The following NAGPA variants were observed in gnomAD, a reference collection of about 807,000 sequenced individuals.
NAGPA encodes the protein alpha-N-acetylglucosaminyl phosphodiesterase.
In NAGPA, 56 loss-of-function variants were observed where a neutral mutation model predicts 48.5. That is an observed-to-expected ratio of 1.15 (90% CI 0.93 to 1.44). The LOEUF is 1.44. NAGPA is among the 40% of genes most tolerant of loss of function. The pLI, the probability that NAGPA is intolerant of heterozygous loss-of-function variation, is 0.00. For synonymous variants in NAGPA, 399 were observed against 315.5 expected (o/e 1.26, Z -2.81); for missense variants, 888 against 735.0 (o/e 1.21, Z -2.41).
rs780004979 is a variant in NAGPA at position 5,029,087 on chromosome 16, G to A, written c.792-79C>T. The stretch of plus-strand genomic sequence containing the variant: ...TAACTCCTTTTCCTTCCACAGTGCA[G>A]AGCATCACGCCCACAGTGCAGGCAC... On this transcript the variant is annotated intron_variant, in intron 4 of 9. Coordinates refer to ENST00000312251, the MANE Select transcript of NAGPA (RefSeq NM_016256.4). The A allele has an allele frequency of 5.0e-6, 8 of 1,597,090 alleles. No individual in the cohort carries two copies. The African/African-American group carries it at 6.7e-5, about 13-fold the overall frequency.
chr16:5,027,088 AG>A (rs773049240), intron 9 of NAGPA, 46 bp downstream of exon 9: 48 of 1,602,906 alleles, frequency 3.0e-5, no homozygotes, highest in Non-Finnish European at 3.5e-5. Flanking sequence ...GCGGGAGAGA[AG>A]GGGGATTCCT....
chr16:5,026,757 C>T (rs1013228584), intron 9 of NAGPA, among the ~76,000 whole-genome samples: 6 of 152,070 alleles, frequency 3.9e-5, no homozygotes, highest in Admixed American at 2.0e-4. Flanking sequence ...TAAAATTAGC[C>T]GGGCATGGGG....
chr16:5,027,026 G>T, intron 9 of NAGPA, 109 bp downstream of exon 9: 2 of 1,361,576 alleles, frequency 1.5e-6, no homozygotes, highest in South Asian at 1.2e-5. Context: ...TTCCTCTAAG[G>T]CAGGGAGCTG....
chr16:5,029,186 C>T lies in NAGPA; in HGVS notation c.792-178G>A, dbSNP rs368413268. 25 of 1,021,632 alleles carry T rather than the reference C, an allele frequency of 2.4e-5. No homozygotes were observed. In the African/African-American group the frequency reaches 3.0e-4, roughly 12 times the overall value. The allele number at this position is 1,021,632 out of a possible 1,614,324, so 63.3% of individuals were successfully genotyped here. A position where few individuals can be genotyped will look rare whatever the true frequency, so the allele number is the denominator to read the frequency against. On this transcript the variant is annotated intron_variant, in intron 4 of 9. Coordinates refer to ENST00000312251, the MANE Select transcript of NAGPA (RefSeq NM_016256.4). ...AAGCTGTGAACACGTGAGATCACAC[C>T]CATGCCTGTGCTGTTACATGGCATA...
Position 5,033,220 on chromosome 16 carries a change from C to A in NAGPA, c.542+53G>T. On this transcript the variant is annotated intron_variant, in intron 2 of 9. Coordinates refer to ENST00000312251, the MANE Select transcript of NAGPA (RefSeq NM_016256.4). This position sits in a 1 kb window ranked among gnomAD's most constrained non-coding sequence, Gnocchi z 4.2. ...CTTGAACACGGAGGCACGGCTACAA[C>A]CCAAATCTCAGGCCCTCTGCCCTCG... is the stretch of plus-strand genomic sequence containing the variant. 5 of 1,544,114 alleles carry A rather than the reference C, an allele frequency of 3.2e-6. No individual in the cohort carries two copies. The highest frequency in any genetic ancestry group is 4.3e-6 in the Non-Finnish European group (5 of 1,151,498).
rs754670771 is a variant in NAGPA, at chr16:5,028,881, AGTGAT to A, written c.914_918del (p.Asp305ValfsTer27). 12 of 1,613,912 alleles carry A rather than the reference AGTGAT, an allele frequency of 7.4e-6. No individual in the cohort carries two copies. In the Admixed American group the frequency reaches 2.0e-4, roughly 27 times the overall value. ...CGAAGGCGGCTCTCACGTGCTTACCAGTGATCTGACGGGTAACTGGCCAAGGTCCC... is the reference window on the plus strand; with the variant it reads ...CGAAGGCGGCTCTCACGTGCTTACCACTGACGGGTAACTGGCCAAGGTCCC... On this transcript the variant is annotated frameshift_variant and splice_region_variant, in exon 5 of 10. Coordinates refer to ENST00000312251, the MANE Select transcript of NAGPA (RefSeq NM_016256.4). LOFTEE classifies it high-confidence loss of function.
In NAGPA at chr16:5,025,609, G is replaced by T. The variant is rs749224030; in HGVS notation, c.1417C>A (p.Leu473Met). 6.2e-7 allele frequency: 1 copy of T among 1,613,954 alleles called. No individual in the cohort carries two copies. Among genetic ancestry groups the T allele is most frequent in the Admixed American group, 1.7e-5 (1 of 60,032 alleles). Residue 473 changes from leucine to methionine, a missense_variant, in exon 10 of 10, where the codon CTG becomes ATG. Coordinates refer to ENST00000312251, the MANE Select transcript of NAGPA (RefSeq NM_016256.4). Reference protein sequence around the residue: ...ISTAANLSLLLSRAERNRRLH... With the variant: ...ISTAANLSLLMSRAERNRRLH... Reference sequence around the variant, plus strand: ...CGCCGGTTCCTCTCTGCTCTGGACAGGAGCAAGGACAGGTTTGCTGCAGTG... The same window carrying T: ...CGCCGGTTCCTCTCTGCTCTGGACATGAGCAAGGACAGGTTTGCTGCAGTG...
Position 5,028,169 on chromosome 16 carries a change from G to A in NAGPA, c.937C>T (p.Arg313Cys), listed in dbSNP as rs557375030. Residue 313 changes from arginine (R) to cysteine (C), a missense_variant, in exon 6 of 10, where the codon CGC becomes TGC. By Grantham distance (180) the Arg-to-Cys change is radical. Coordinates refer to ENST00000312251, the MANE Select transcript of NAGPA (RefSeq NM_016256.4). ...ACGGTGGACACTTGGCGGGGACAGC[G>A]CCACATGTTGTCCTGGCTGTAGAGG... ...PSDHCQDNMW[R>C]CPRQVSTVVC... 3.8e-6 allele frequency: 6 copies of A among 1,566,258 alleles called. No individual in the cohort carries two copies. In the African/African-American group the frequency reaches 4.1e-5, roughly 11 times the overall value.
intron 3 of NAGPA, 29 bp downstream of exon 3, chr16:5,031,716 G>T (rs1237828509): frequency 3.2e-5 from 52 of 1,613,894 alleles, no homozygotes; most frequent in Non-Finnish European, 4.3e-5. Context: ...TTCTCGAGAG[G>T]GTTGTTGCCA....
chr16:5,028,705 G>C lies in NAGPA; in HGVS notation c.920+175C>G, dbSNP rs1956047873. The C allele has an allele frequency of 6.3e-6, 6 of 952,682 alleles. No individual in the cohort carries two copies. In the Admixed American group the frequency reaches 1.1e-4, roughly 17 times the overall value. 59.0% of individuals were successfully genotyped at this position (952,682 alleles called of 1,614,324 possible). A position where few individuals can be genotyped will look rare whatever the true frequency, so the allele number is the denominator to read the frequency against. The stretch of plus-strand genomic sequence containing the variant: ...TCAGGGAGGTCTTTGCTGACCAACT[G>C]ACCCTGCTCCTAGGCCTGGGTAGTA... On this transcript the variant is annotated intron_variant, in intron 5 of 9. Coordinates refer to ENST00000312251, the MANE Select transcript of NAGPA (RefSeq NM_016256.4).
chr16:5,028,692 T>G, intron 5 of NAGPA, 188 bp downstream of exon 5: 4 of 863,186 alleles, frequency 4.6e-6, no homozygotes, highest in Non-Finnish European at 7.6e-6. Context: ...AGGGAGGTCT[T>G]TGCTGACCAA....
chr16:5,029,237 C>A, intron 4 of NAGPA: 1 of 633,750 alleles, frequency 1.6e-6, no homozygotes, highest in Admixed American at 2.6e-5. Flanking sequence ...GGGGAAACGG[C>A]CCGGAGGATC....
Position 5,033,645 on chromosome 16 carries a change from C to A in NAGPA, c.170G>T (p.Gly57Val). ...AGGCCAACTCTCGTGCTCGCGGTTG[C>A]CGGCGCGCACCCGTGTGCAGTCCCG... The part of the protein sequence containing the change: ...LPRDCTRVRA[G>V]NREHESWPPP... Residue 57 changes from glycine to valine, a missense_variant, in exon 2 of 10, where the codon GGC becomes GTC. Coordinates refer to ENST00000312251, the MANE Select transcript of NAGPA (RefSeq NM_016256.4). This position sits in a 1 kb window ranked among gnomAD's most constrained non-coding sequence, Gnocchi z 4.2. 6.5e-7 allele frequency: 1 copy of A among 1,539,156 alleles called. No homozygotes were observed. Among genetic ancestry groups the A allele is most frequent in the Non-Finnish European group, 8.7e-7 (1 of 1,153,956 alleles).
Position 5,033,795 on chromosome 16 carries a change from C to A in NAGPA, c.86+34G>T. ...TGAGCTCGGAGGACAGGGGGGACCC[C>A]CCGAACCAGGCTGGCCCAGGGAGCT... On this transcript the variant is annotated intron_variant, in intron 1 of 9. Coordinates refer to ENST00000312251, the MANE Select transcript of NAGPA (RefSeq NM_016256.4). The surrounding 1 kb of genome is among the most constrained non-coding windows in gnomAD (Gnocchi z 4.2). 1 of 1,566,806 alleles carries A rather than the reference C, an allele frequency of 6.4e-7. No individual in the cohort carries two copies. The highest frequency in any genetic ancestry group is 8.6e-7 in the Non-Finnish European group (1 of 1,156,812).
In NAGPA at chr16:5,033,784, A is replaced by G. The variant is rs1159319821; in HGVS notation, c.86+45T>C. The G allele has an allele frequency of 1.9e-6, 3 of 1,575,320 alleles. No homozygotes were observed. Among genetic ancestry groups the G allele is most frequent in the Non-Finnish European group, 2.6e-6 (3 of 1,161,496 alleles). ...GGCTGTCCTCGTGAGCTCGGAGGAC[A>G]GGGGGGACCCCCCGAACCAGGCTGG... On this transcript the variant is annotated intron_variant, in intron 1 of 9. Coordinates refer to ENST00000312251, the MANE Select transcript of NAGPA (RefSeq NM_016256.4). The surrounding 1 kb of genome is among the most constrained non-coding windows in gnomAD (Gnocchi z 4.2).
chr16:5,030,469 A>C lies in NAGPA; in HGVS notation c.707T>G (p.Val236Gly). ...ETGSFSKFVNVISARTAIGHD... is the reference protein window; with the variant it reads ...ETGSFSKFVNGISARTAIGHD... Reference sequence around the variant, plus strand: ...GCCAATGGCCGTCCTGGCTGATATCACATTCACAAATTTGCTAAAGGAACC... The same window carrying C: ...GCCAATGGCCGTCCTGGCTGATATCCCATTCACAAATTTGCTAAAGGAACC... The change falls in exon 4 of 10, where the codon GTG (valine) becomes GGG (glycine). Residue 236 changes from valine (V) to glycine (G), a missense_variant. Val to Gly is a moderately radical substitution (Grantham distance 109). Transcript: ENST00000312251. The C allele has an allele frequency of 1.3e-6, 2 of 1,553,942 alleles. No homozygotes were observed. Among genetic ancestry groups the C allele is most frequent in the Non-Finnish European group, 1.7e-6 (2 of 1,148,086 alleles).
At chr16:5,032,767 G>A (rs1956125042) in intron 2 of NAGPA, among the ~76,000 whole-genome samples, 4 of 151,996 alleles carry the variant, frequency 2.6e-5, no homozygotes, top group Middle Eastern at 3.4e-3. Context: ...GCCCCCCTGA[G>A]CCTCTGAGCC....
intron 4 of NAGPA, 100 bp downstream of exon 4, chr16:5,030,285 C>A: frequency 8.9e-7 from 1 of 1,121,438 alleles, no homozygotes. Flanking sequence ...GTGTCAACAT[C>A]CCAGAAAGCA....
intron 9 of NAGPA, among the ~76,000 whole-genome samples, chr16:5,026,649 G>T (rs1223346809): frequency 6.6e-6 from 1 of 152,166 alleles, no homozygotes; most frequent in Non-Finnish European, 1.5e-5. Flanking sequence ...CTGGGCATGG[G>T]GGCTGGGAGG....
Sources: gnomAD v4.1 joint callset for allele counts (sites outside exome capture counted in the v4.1 genomes callset) on GRCh38, gnomAD v4.1.1 for gene constraint, Gnocchi (gnomAD v3.1) non-coding constraint, MANE v1.5 for transcripts, NCBI Gene and HGNC (gene_info 2026-07-23, HGNC 2026-07-21) for gene names.